Variants in SYT1 observed in about 807,000 individuals in gnomAD.
The protein encoded by SYT1 is synaptotagmin-1.
In SYT1, 8 loss-of-function variants were observed where a neutral mutation model predicts 44.8. The observed-to-expected ratio is 0.18, with a 90% CI of 0.10 to 0.32. The LOEUF is 0.32. SYT1 is among the 10% of genes least tolerant of loss of function. The probability of loss-of-function intolerance (pLI) is 1.00; values close to 1 mark genes in which losing one functional copy is unlikely to be tolerated. For synonymous variants in SYT1, 154 were observed against 188.8 expected (o/e 0.82, Z 1.51); for missense variants, 286 against 509.3 (o/e 0.56, Z 4.22).
chr12:79,291,298 A>G (rs1305621751), intron 5 of SYT1, among the ~76,000 whole-genome samples: 1 of 152,198 alleles, frequency 6.6e-6, no homozygotes, highest in Non-Finnish European at 1.5e-5. Flanking sequence ...CAGAACTGCA[A>G]ACTTAACTCT....
intron 4 of SYT1, among the ~76,000 whole-genome samples, chr12:79,254,064 G>A (rs1877379492): frequency 6.6e-6 from 1 of 152,214 alleles, no homozygotes; most frequent in Non-Finnish European, 1.5e-5. Flanking sequence ...AAGTTTTCCA[G>A]AAGACTGATG....
At chr12:79,216,245 A>T (rs930374899) in intron 3 of SYT1, among the ~76,000 whole-genome samples, 5 of 151,372 alleles carry the variant, frequency 3.3e-5, no homozygotes, top group Non-Finnish European at 5.9e-5. Context: ...TTTCATTTTT[A>T]AAAAAATCTT....
At chr12:79,278,352 T>C (rs1168258763) in intron 4 of SYT1, among the ~76,000 whole-genome samples, 2 of 152,066 alleles carry the variant, frequency 1.3e-5, no homozygotes, top group East Asian at 3.9e-4. Flanking sequence ...AAATCAATTT[T>C]AGGAGGAGCT....
chr12:79,365,834 G>GAAAAAAAAAAAAAA lies in SYT1; in HGVS notation c.928+12218_928+12231dup, dbSNP rs57702061. Among the ~76,000 whole-genome samples, 13 of 104,090 alleles carry GAAAAAAAAAAAAAA rather than the reference G, an allele frequency of 1.2e-4. 1 individual carries two copies. The highest frequency in any genetic ancestry group is 1.8e-4 in the African/African-American group (5 of 27,306). 68.3% of individuals were successfully genotyped at this position (104,090 alleles called of 152,430 possible). Reference sequence around the variant, plus strand: ...CCTAGACTGATTGCAAAGAGTACCAGAAAAAAAAAAAAAAAAGCAGGTCAT... The same window carrying GAAAAAAAAAAAAAA: ...CCTAGACTGATTGCAAAGAGTACCAGAAAAAAAAAAAAAAAAAAAAAAAAAAAAAAGCAGGTCAT... On this transcript the variant is annotated intron_variant, in intron 9 of 10. Coordinates refer to ENST00000261205, the MANE Select transcript of SYT1 (RefSeq NM_005639.3).
chr12:79,050,987 A>C (rs1874437836), intron 3 of SYT1, among the ~76,000 whole-genome samples: 1 of 152,098 alleles, frequency 6.6e-6, no homozygotes, highest in African/African-American at 2.4e-5. Context: ...ATTATCATTT[A>C]TATATGGCCT....
chr12:79,331,378 C>A (rs1881846959), intron 8 of SYT1, among the ~76,000 whole-genome samples: 1 of 152,134 alleles, frequency 6.6e-6, no homozygotes, highest in Non-Finnish European at 1.5e-5. Context: ...TATTCAAGGA[C>A]TTCAACTGCC....
intron 8 of SYT1, among the ~76,000 whole-genome samples, chr12:79,343,294 G>T (rs1350821041): frequency 6.6e-6 from 1 of 152,220 alleles, no homozygotes; most frequent in Non-Finnish European, 1.5e-5. Context: ...ATTTGGCTGT[G>T]CAAAGGAGCA....
At chr12:79,054,471 A>T (rs1278232964) in intron 3 of SYT1, among the ~76,000 whole-genome samples, 2 of 152,032 alleles carry the variant, frequency 1.3e-5, no homozygotes, top group Admixed American at 1.3e-4. Flanking sequence ...ATTCACCTAA[A>T]GGAGAAAAAC....
At chr12:79,051,936 T>C (rs1378385970) in intron 3 of SYT1, among the ~76,000 whole-genome samples, 3 of 152,114 alleles carry the variant, frequency 2.0e-5, no homozygotes, top group African/African-American at 7.2e-5. Context: ...TGTAGCCTTG[T>C]AGTATAGTTT....
In SYT1 at chr12:78,887,711, A is replaced by G. The variant is rs568428214; in HGVS notation, c.-217+22602A>G. Among the ~76,000 whole-genome samples the G allele has an allele frequency of 4.6e-5, 7 of 152,042 alleles. No individual in the cohort carries two copies. The East Asian group carries it at 1.4e-3, about 30-fold the overall frequency. Reference sequence around the variant, plus strand: ...CCTCATAAGTAAAGAGGATATCTCAATCATCTTTATATCCAAAATTATATA... The same window carrying G: ...CCTCATAAGTAAAGAGGATATCTCAGTCATCTTTATATCCAAAATTATATA... On this transcript the variant is annotated intron_variant, in intron 1 of 10. Transcript: ENST00000261205.
chr12:78,869,924 G>GT (rs1436334441), intron 1 of SYT1, among the ~76,000 whole-genome samples: 1 of 152,034 alleles, frequency 6.6e-6, no homozygotes, highest in African/African-American at 2.4e-5. Context: ...CTCACACATA[G>GT]TATGTTTTAT....
chr12:79,088,376 T>C (rs1036104281), intron 3 of SYT1, among the ~76,000 whole-genome samples: 4 of 152,064 alleles, frequency 2.6e-5, no homozygotes, highest in Non-Finnish European at 2.9e-5. Context: ...GAAACAGGCA[T>C]ACAAAACGAT....
chr12:78,919,078 T>G (rs931787125), intron 1 of SYT1, among the ~76,000 whole-genome samples: 9 of 152,018 alleles, frequency 5.9e-5, no homozygotes, highest in Admixed American at 5.3e-4. Flanking sequence ...GACAGAGTTA[T>G]TGATGACTTT....
chr12:79,001,878 G>GTT (rs139418540), intron 2 of SYT1, among the ~76,000 whole-genome samples: 44 of 150,820 alleles, frequency 2.9e-4, no homozygotes, highest in African/African-American at 1.1e-3. Flanking sequence ...AGATAAACTA[G>GTT]TGTTTTTTTT....
At chr12:79,037,001 TA>T (rs1873177582) in intron 2 of SYT1, among the ~76,000 whole-genome samples, 1 of 151,824 alleles carries the variant, frequency 6.6e-6, no homozygotes, top group South Asian at 2.1e-4. Flanking sequence ...AATAGGATTA[TA>T]AGATACAGAA....
chr12:78,899,807 T>G (rs1299131537), intron 1 of SYT1, among the ~76,000 whole-genome samples: 1 of 152,064 alleles, frequency 6.6e-6, no homozygotes. Flanking sequence ...ATCAAAACTT[T>G]GTAATGAATT....
intron 9 of SYT1, among the ~76,000 whole-genome samples, chr12:79,357,398 A>G (rs1206167169): frequency 6.6e-6 from 1 of 152,240 alleles, no homozygotes; most frequent in East Asian, 1.9e-4. Context: ...GAAATGTATC[A>G]TTAGGTTATT....
intron 3 of SYT1, among the ~76,000 whole-genome samples, chr12:79,050,299 C>G (rs897108607): frequency 2.4e-4 from 36 of 151,938 alleles, no homozygotes; most frequent in African/African-American, 8.5e-4. Flanking sequence ...TTCACATTAA[C>G]TAGGCTGAGG....
At chr12:79,380,236 A>T (rs962892620) in intron 9 of SYT1, among the ~76,000 whole-genome samples, 4 of 152,216 alleles carry the variant, frequency 2.6e-5, no homozygotes, top group Non-Finnish European at 5.9e-5. Flanking sequence ...GAAAATATTA[A>T]CTGCAGAAAC....
Sources: gnomAD v4.1 joint callset for allele counts (sites outside exome capture counted in the v4.1 genomes callset) on GRCh38, gnomAD v4.1.1 for gene constraint, MANE v1.5 for transcripts, NCBI Gene and HGNC (gene_info 2026-07-23, HGNC 2026-07-21) for gene names.